HDAC4: variants seen among roughly 807,000 people sequenced by gnomAD.
The protein encoded by HDAC4 is histone deacetylase A.
Under a neutral mutation model 135.1 loss-of-function variants are expected in HDAC4, and 16 were observed. The observed-to-expected ratio is 0.12, with a 90% CI of 0.08 to 0.18. The LOEUF (loss-of-function observed/expected upper bound fraction) is 0.18, where lower values mean the gene tolerates loss of function less well. Ranked by LOEUF, HDAC4 falls within the 10% of genes least tolerant of loss-of-function variation. The pLI is 1.00. For missense variants in HDAC4, 1,143 were observed against 1,511.8 expected (o/e 0.76, Z 4.05); for synonymous variants, 685 against 653.4 (o/e 1.05, Z -0.74).
intron 14 of HDAC4, among the ~76,000 whole-genome samples, chr2:239,109,914 G>A (rs1234340103): frequency 1.3e-5 from 2 of 152,216 alleles, no homozygotes; most frequent in African/African-American, 4.8e-5. Flanking sequence ...CTGCTTTACT[G>A]CCTTTACAGA....
At chr2:239,388,160 A>C (rs943123018) in intron 1 of HDAC4, among the ~76,000 whole-genome samples, 9 of 152,214 alleles carry the variant, frequency 5.9e-5, no homozygotes, top group African/African-American at 2.2e-4. Context: ...GGTTGGGGAA[A>C]GGCTGGGCCA....
chr2:239,111,593 G>C lies in HDAC4; in HGVS notation c.1911C>G (p.Ser637=), dbSNP rs1189836802. The C allele has an allele frequency of 3.7e-6, 6 of 1,611,914 alleles. No individual in the cohort carries two copies. Among genetic ancestry groups the C allele is most frequent in the Admixed American group, 1.7e-5 (1 of 59,940 alleles). ...GGHRPLSRAQ[S]SPASATFPVS... The stretch of plus-strand genomic sequence containing the variant: ...CGGGGAAGGTGGCAGACGCGGGTGA[G>C]GACTGCGCCCGGGACAGAGGCCTGT... Residue 637 remains serine, a synonymous_variant, in exon 14 of 27, where the codon TCC becomes TCG. Coordinates refer to ENST00000543185, the MANE Select transcript of HDAC4 (RefSeq NM_001378414.1).
At chr2:239,388,747 C>T (rs1695999326) in intron 1 of HDAC4, among the ~76,000 whole-genome samples, 1 of 152,260 alleles carries the variant, frequency 6.6e-6, no homozygotes, top group Non-Finnish European at 1.5e-5. Flanking sequence ...CCACTCCCCA[C>T]TCTAAGGGCC....
chr2:239,209,721 A>G (rs1320676173), intron 3 of HDAC4, among the ~76,000 whole-genome samples: 1 of 152,250 alleles, frequency 6.6e-6, no homozygotes, highest in African/African-American at 2.4e-5. Flanking sequence ...GAAAGGCTGA[A>G]TCTCAGAGGA....
chr2:239,121,310 C>T (rs992285843), intron 12 of HDAC4, among the ~76,000 whole-genome samples: 1 of 152,192 alleles, frequency 6.6e-6, no homozygotes, highest in African/African-American at 2.4e-5. Context: ...AAATCTCAAA[C>T]GTCCTTCCCC....
intron 9 of HDAC4, among the ~76,000 whole-genome samples, chr2:239,137,677 A>C (rs576384409): frequency 6.6e-6 from 1 of 152,244 alleles, no homozygotes; most frequent in Admixed American, 6.5e-5. Context: ...GGGCAAGCTC[A>C]CTACACTCTG....
intron 1 of HDAC4, among the ~76,000 whole-genome samples, chr2:239,386,829 G>C (rs1695840645): frequency 6.6e-6 from 1 of 152,208 alleles, no homozygotes; most frequent in African/African-American, 2.4e-5. Flanking sequence ...CTGGAGAGAA[G>C]AGAAGCTGGG....
At chr2:239,161,941 C>A (rs990615009) in intron 6 of HDAC4, 2 of 370,576 alleles carry the variant, frequency 5.4e-6, no homozygotes, top group Non-Finnish European at 1.1e-5. Flanking sequence ...TTTCCTTGGG[C>A]CTGCTGCTCC....
rs1276064571 is a variant in HDAC4, at chr2:239,048,571, A to G, written c.*4526T>C. ...GTTCAAGCCCCCTGTATAGATAGAT[A>G]GATAGATAGATAGATAGATAGATTA... On this transcript the variant is annotated 3_prime_UTR_variant, in exon 27 of 27. Coordinates refer to ENST00000543185, the MANE Select transcript of HDAC4 (RefSeq NM_001378414.1). 1 of 151,886 alleles carries G rather than the reference A, an allele frequency of 6.6e-6. No homozygotes were observed. Among genetic ancestry groups the G allele is most frequent in the Non-Finnish European group, 1.5e-5 (1 of 67,976 alleles). The allele number at this position is 151,886 out of a possible 1,614,324, so 9.4% of individuals were successfully genotyped here. A position where few individuals can be genotyped will look rare whatever the true frequency, so the allele number is the denominator to read the frequency against.
At chr2:239,213,156 A>T (rs2046432987) in intron 3 of HDAC4, among the ~76,000 whole-genome samples, 3 of 151,214 alleles carry the variant, frequency 2.0e-5, no homozygotes, top group Admixed American at 2.0e-4. Context: ...ACGATGCTGG[A>T]AGGAAGGACA....
intron 1 of HDAC4, among the ~76,000 whole-genome samples, chr2:239,393,469 C>G (rs1023589454): frequency 2.0e-5 from 3 of 152,216 alleles, no homozygotes; most frequent in Non-Finnish European, 4.4e-5. Context: ...TGCCAGTTGG[C>G]CCGGCTCATC....
Position 239,100,113 on chromosome 2 carries a change from C to T in HDAC4, c.2233+2663G>A, listed in dbSNP as rs186842421. Among the ~76,000 whole-genome samples, 591 of 152,378 alleles carry T rather than the reference C, an allele frequency of 3.9e-3. 2 individuals carry two copies. The highest frequency in any genetic ancestry group is 0.017 in the Middle Eastern group (5 of 294). ...TGCATTCTGAGGCTCTGCTGTTTCT[C>T]CCTAAGAGGGTCTTTCTTACCCCTG... is the stretch of plus-strand genomic sequence containing the variant. On this transcript the variant is annotated intron_variant, in intron 16 of 26. Transcript: ENST00000543185.
intron 1 of HDAC4, among the ~76,000 whole-genome samples, chr2:239,360,121 C>T (rs757039356): frequency 2.0e-5 from 3 of 152,174 alleles, no homozygotes; most frequent in Non-Finnish European, 4.4e-5. Flanking sequence ...CGGAGAGTCC[C>T]TCCAGAACAC....
Position 239,053,039 on chromosome 2 carries a change from T to C in HDAC4, c.*58A>G. 6.2e-7 allele frequency: 1 copy of C among 1,605,744 alleles called. No homozygotes were observed. Among genetic ancestry groups the C allele is most frequent in the East Asian group, 2.2e-5 (1 of 44,838 alleles). On this transcript the variant is annotated 3_prime_UTR_variant, in exon 27 of 27. Transcript: ENST00000543185. ...CGCAGGCGTGACACGGGAAAGTTTC[T>C]TGGCTGAGCTTCAAGACAGAGACAG...
intron 11 of HDAC4, among the ~76,000 whole-genome samples, chr2:239,130,532 A>G (rs568948737): frequency 7.2e-6 from 1 of 138,992 alleles, no homozygotes; most frequent in South Asian, 2.2e-4. Context: ...CGAGGCATAC[A>G]CATCTCCCTC....
chr2:239,251,448 A>G (rs2048780023), intron 2 of HDAC4, among the ~76,000 whole-genome samples: 1 of 152,184 alleles, frequency 6.6e-6, no homozygotes, highest in South Asian at 2.1e-4. Context: ...ACAAAAAATC[A>G]GCTGGGTGTG....
intron 2 of HDAC4, among the ~76,000 whole-genome samples, chr2:239,277,114 C>T (rs960254156): frequency 2.0e-5 from 3 of 152,188 alleles, no homozygotes; most frequent in Non-Finnish European, 2.9e-5. Flanking sequence ...AAAGCAGGGA[C>T]GGGGTCCTGC....
chr2:239,158,619 C>T lies in HDAC4; in HGVS notation c.612-1846G>A, dbSNP rs981686985. 1.6e-4 allele frequency among the ~76,000 whole-genome samples: 25 copies of T among 152,144 alleles called. No homozygotes were observed. The East Asian group carries it at 2.3e-3, about 14-fold the overall frequency. ...TGCCCCCCAACTGCCAGCGCCTCCC[C>T]GCTGGACCACCTCGATGGATCCAGA... On this transcript the variant is annotated intron_variant, in intron 6 of 26. Transcript: ENST00000543185.
At position 239,166,149 on chromosome 2, in the gene HDAC4, G is replaced by A. The variant is rs114788239; in HGVS notation, c.491-2226C>T. 3.9e-3 allele frequency among the ~76,000 whole-genome samples: 596 copies of A among 152,096 alleles called. 7 individuals carry two copies. The highest frequency in any genetic ancestry group is 0.014 in the African/African-American group (566 of 41,472). The stretch of plus-strand genomic sequence containing the variant: ...GTTAGGCTCATTCTGTGTTCCCTAC[G>A]GCAGAACCCCACTCCCATTACATTA... On this transcript the variant is annotated intron_variant, in intron 5 of 26. Coordinates refer to ENST00000543185, the MANE Select transcript of HDAC4 (RefSeq NM_001378414.1).
Sources: gnomAD v4.1 joint callset for allele counts (sites outside exome capture counted in the v4.1 genomes callset) on GRCh38, gnomAD v4.1.1 for gene constraint, MANE v1.5 for transcripts, NCBI Gene and HGNC (gene_info 2026-07-23, HGNC 2026-07-21) for gene names.